The following PLD5 variants were observed in gnomAD, a reference collection of about 807,000 sequenced individuals.
PLD5 encodes phospholipase D family member 5, also known as inactive phospholipase D5.
In PLD5, 36 loss-of-function variants were observed where a neutral mutation model predicts 61.1. The ratio of observed to expected loss-of-function variants is 0.59; its 90% confidence interval spans 0.45 to 0.78. The LOEUF (loss-of-function observed/expected upper bound fraction) is 0.78, where lower values mean the gene tolerates loss of function less well. PLD5 is among the 30% of genes least tolerant of loss of function. The probability of loss-of-function intolerance (pLI) is 0.00; values close to 1 mark genes in which losing one functional copy is unlikely to be tolerated. For missense variants in PLD5, 515 were observed against 644.4 expected (o/e 0.80, Z 2.17); for synonymous variants, 243 against 242.8 (o/e 1.00, Z -0.01).
intron 5 of PLD5, among the ~76,000 whole-genome samples, chr1:242,168,852 T>TG (rs1666528426): frequency 3.6e-5 from 5 of 138,474 alleles, no homozygotes; most frequent in African/African-American, 1.3e-4. Context: ...TGAAGTTTTT[T>TG]TTTTTTTTTT....
intron 1 of PLD5, among the ~76,000 whole-genome samples, chr1:242,456,878 G>A (rs1666959706): frequency 6.6e-6 from 1 of 152,044 alleles, no homozygotes; most frequent in Non-Finnish European, 1.5e-5. Context: ...GCCCGACACT[G>A]CGTCCGTAAC....
chr1:242,463,219 T>C (rs1667173267), intron 1 of PLD5, among the ~76,000 whole-genome samples: 1 of 152,188 alleles, frequency 6.6e-6, no homozygotes, highest in Non-Finnish European at 1.5e-5. Flanking sequence ...CATGATATTG[T>C]CTCTTTCCTC....
At chr1:242,120,511 C>A (rs1662283620) in intron 6 of PLD5, among the ~76,000 whole-genome samples, 1 of 152,056 alleles carries the variant, frequency 6.6e-6, no homozygotes, top group African/African-American at 2.4e-5. Flanking sequence ...CTCTGTAAGG[C>A]TGTTAAACTA....
At chr1:242,374,828 G>A (rs1022244612) in intron 1 of PLD5, among the ~76,000 whole-genome samples, 2 of 152,196 alleles carry the variant, frequency 1.3e-5, no homozygotes, top group African/African-American at 4.8e-5. Context: ...GCCCAAAAAT[G>A]GACAATTTAC....
intron 2 of PLD5, among the ~76,000 whole-genome samples, chr1:242,324,113 T>C (rs7513634): frequency 0.87 from 131,873 of 151,112 alleles, 57,875 homozygotes; most frequent in East Asian, 0.95. Context: ...TCAGTTTTAC[T>C]CTCCCCTTCA....
chr1:242,242,774 A>C (rs1386633955), intron 4 of PLD5, among the ~76,000 whole-genome samples: 2 of 152,238 alleles, frequency 1.3e-5, no homozygotes, highest in African/African-American at 4.8e-5. Context: ...CATATTGCAC[A>C]TATACCAAAG....
At chr1:242,254,287 A>T (rs918990961) in intron 4 of PLD5, among the ~76,000 whole-genome samples, 1 of 149,262 alleles carries the variant, frequency 6.7e-6, no homozygotes, top group African/African-American at 2.5e-5. Flanking sequence ...GACACTTTTT[A>T]TATATTATCT....
chr1:242,310,471 A>G (rs1482598624), intron 2 of PLD5, among the ~76,000 whole-genome samples: 5 of 152,160 alleles, frequency 3.3e-5, no homozygotes, highest in African/African-American at 9.7e-5. Context: ...CTATAACACA[A>G]ATAATCATGA....
At chr1:242,372,684 A>C (rs1211954335) in intron 1 of PLD5, among the ~76,000 whole-genome samples, 1 of 152,190 alleles carries the variant, frequency 6.6e-6, no homozygotes, top group Non-Finnish European at 1.5e-5. Context: ...CAAAAACAAG[A>C]AATGGGGAAA....
At chr1:242,140,767 G>A (rs953635281) in intron 5 of PLD5, among the ~76,000 whole-genome samples, 8 of 151,998 alleles carry the variant, frequency 5.3e-5, no homozygotes, top group South Asian at 2.1e-4. Context: ...GAGAAACTGG[G>A]TTTGTCAGCC....
At chr1:242,310,802 CTAGT>C (rs1350146640) in intron 2 of PLD5, among the ~76,000 whole-genome samples, 1 of 152,100 alleles carries the variant, frequency 6.6e-6, no homozygotes, top group Non-Finnish European at 1.5e-5. Context: ...ACTTTAATCC[CTAGT>C]TAAATAGGGA....
At chr1:242,389,479 T>A (rs1258365979) in intron 1 of PLD5, among the ~76,000 whole-genome samples, 1 of 152,006 alleles carries the variant, frequency 6.6e-6, no homozygotes, top group Non-Finnish European at 1.5e-5. Context: ...GCTCCCATAT[T>A]AACACATGGT....
In PLD5 at chr1:242,395,854, C is replaced by G. The variant is rs149736725; in HGVS notation, c.190-47612G>C. 5.6e-3 allele frequency among the ~76,000 whole-genome samples: 856 copies of G among 152,246 alleles called. 3 individuals carry two copies. Among genetic ancestry groups the G allele is most frequent in the Non-Finnish European group, 8.9e-3 (603 of 68,006 alleles). Reference sequence around the variant, plus strand: ...CATGAGGTCAGGAGTTCAAGACCAGCTTGGCCAAGATGGTGAAGCCCCGTC... The same window carrying G: ...CATGAGGTCAGGAGTTCAAGACCAGGTTGGCCAAGATGGTGAAGCCCCGTC... On this transcript the variant is annotated intron_variant, in intron 1 of 9. Coordinates refer to ENST00000536534, the MANE Select transcript of PLD5 (RefSeq NM_001372062.1).
intron 4 of PLD5, among the ~76,000 whole-genome samples, chr1:242,233,269 A>G (rs1268747889): frequency 6.6e-6 from 1 of 152,202 alleles, no homozygotes. Context: ...GGTATCTGTG[A>G]CAGGTATAAG....
intron 1 of PLD5, among the ~76,000 whole-genome samples, chr1:242,424,299 G>A (rs1481410005): frequency 6.6e-6 from 1 of 152,090 alleles, no homozygotes; most frequent in Non-Finnish European, 1.5e-5. Context: ...CAGTTTGCCT[G>A]AGGTCCCATA....
chr1:242,098,535 G>A (rs1023099851), intron 9 of PLD5, among the ~76,000 whole-genome samples: 4 of 151,986 alleles, frequency 2.6e-5, no homozygotes, highest in Non-Finnish European at 4.4e-5. Context: ...TAGTTTGATC[G>A]TCTGAAGCCT....
intron 2 of PLD5, among the ~76,000 whole-genome samples, chr1:242,321,784 T>C (rs1483561682): frequency 6.6e-6 from 1 of 152,224 alleles, no homozygotes; most frequent in Non-Finnish European, 1.5e-5. Context: ...GATTCTCCCT[T>C]GTGTGCACGT....
rs375235947 is a variant in PLD5 at position 242,445,589 on chromosome 1, G to A, written c.189+78499C>T. ...ACTCCTGACCTCAGGCCATCCACCC[G>A]CCTCGGCCTCCCAAAGTGCTGAGAT... On this transcript the variant is annotated intron_variant, in intron 1 of 9. Coordinates refer to ENST00000536534, the MANE Select transcript of PLD5 (RefSeq NM_001372062.1). 2.5e-4 allele frequency among the ~76,000 whole-genome samples: 38 copies of A among 152,112 alleles called. 1 individual carries two copies. Among genetic ancestry groups the A allele is most frequent in the African/African-American group, 8.2e-4 (34 of 41,496 alleles).
intron 5 of PLD5, among the ~76,000 whole-genome samples, chr1:242,153,714 C>A (rs1380096814): frequency 6.6e-6 from 1 of 152,012 alleles, no homozygotes; most frequent in Admixed American, 6.6e-5. Context: ...TGGTCTATAT[C>A]TCTGTTTTGG....
Sources: gnomAD v4.1 joint callset for allele counts (sites outside exome capture counted in the v4.1 genomes callset) on GRCh38, gnomAD v4.1.1 for gene constraint, MANE v1.5 for transcripts, NCBI Gene and HGNC (gene_info 2026-07-23, HGNC 2026-07-21) for gene names.